The following ZNF608 variants were observed in gnomAD, a reference collection of about 807,000 sequenced individuals.
ZNF608 encodes the protein renal carcinoma antigen NY-REN-36.
Under a neutral mutation model 109.0 loss-of-function variants are expected in ZNF608, and 12 were observed. The ratio of observed to expected loss-of-function variants is 0.11; its 90% CI spans 0.07 to 0.18. ZNF608 has a LOEUF of 0.18. ZNF608 is among the 10% of genes least tolerant of loss of function. ZNF608 has a pLI of 1.00. For missense variants in ZNF608, 1,707 were observed against 1,879.3 expected, an observed-to-expected ratio of 0.91 and a Z score of 1.70; for synonymous variants, 732 against 717.4, an observed-to-expected ratio of 1.02 and a Z score of -0.33.
chr5:124,688,393 T>G (rs1384177979), intron 3 of ZNF608, among the ~76,000 whole-genome samples: 1 of 152,200 alleles, frequency 6.6e-6, no homozygotes, highest in Non-Finnish European at 1.5e-5. Context: ...TCTCATTCCC[T>G]TTCTACCTAG....
At position 124,648,908 on chromosome 5, in the gene ZNF608, G is replaced by A; in HGVS notation, c.1476C>T (p.Ala492=). Residue 492 remains alanine (A), a synonymous_variant, in exon 5 of 10, where the codon GCC becomes GCT. Coordinates refer to ENST00000513986, the MANE Select transcript of ZNF608 (RefSeq NM_020747.3). ...PPNCAAEDIK[A]SPSSTNKRKN... ...TCCTTTTGTTGGTGGAGGAAGGGCT[G>A]GCTTTGATATCCTCAGCAGCACAAT... The A allele has an allele frequency of 1.9e-6, 3 of 1,614,096 alleles. No individual in the cohort carries two copies. Among genetic ancestry groups the A allele is most frequent in the Non-Finnish European group, 2.5e-6 (3 of 1,179,970 alleles).
At chr5:124,665,728 A>C (rs1478162309) in intron 3 of ZNF608, among the ~76,000 whole-genome samples, 1 of 152,204 alleles carries the variant, frequency 6.6e-6, no homozygotes, top group Non-Finnish European at 1.5e-5. Flanking sequence ...GATGAGGTAC[A>C]TTTGTCTCTC....
intron 7 of ZNF608, among the ~76,000 whole-genome samples, chr5:124,641,804 C>A (rs984659254): frequency 2.0e-5 from 3 of 152,138 alleles, no homozygotes; most frequent in Non-Finnish European, 4.4e-5. Context: ...GTGGAGAGAA[C>A]ATATCTCACA....
In ZNF608 at chr5:124,646,696, T is replaced by C. The variant is rs377662199; in HGVS notation, c.3688A>G (p.Thr1230Ala). Residue 1230 changes from threonine (T) to alanine (A), a missense_variant, in exon 5 of 10, where the codon ACC (threonine) becomes GCC (alanine). Thr to Ala is a moderately conservative substitution (Grantham distance 58). Around this residue, in one of 7 missense-constraint regions of ZNF608, gnomAD observed 1,073 missense variants for 1,133.5 expected, o/e 0.95. Coordinates refer to ENST00000513986, the MANE Select transcript of ZNF608 (RefSeq NM_020747.3). The part of the protein sequence containing the change: ...DSMKQTGVDP[T>A]SRFKQDPDSR... ...AATCTTACTTGTTTAAATCTCGAGG[T>C]TGGGTCTACACCTGTCTGCTTCATA... 1 of 1,610,194 alleles carries C rather than the reference T, an allele frequency of 6.2e-7. No homozygotes were observed. Among genetic ancestry groups the C allele is most frequent in the Non-Finnish European group, 8.5e-7 (1 of 1,177,014 alleles).
At chr5:124,695,076 G>T (rs1367170516) in intron 3 of ZNF608, among the ~76,000 whole-genome samples, 1 of 152,008 alleles carries the variant, frequency 6.6e-6, no homozygotes, top group Non-Finnish European at 1.5e-5. Context: ...ACACATTGGG[G>T]GCTGATTTAT....
intron 7 of ZNF608, among the ~76,000 whole-genome samples, chr5:124,642,885 C>T (rs6873132): frequency 0.12 from 18,571 of 151,460 alleles, 1,505 homozygotes; most frequent in African/African-American, 0.23. Flanking sequence ...TTAGTAGAGA[C>T]GGAGTTTCAC....
chr5:124,666,730 TG>T (rs1751497977), intron 3 of ZNF608, among the ~76,000 whole-genome samples: 2 of 150,344 alleles, frequency 1.3e-5, no homozygotes, highest in African/African-American at 4.9e-5. Context: ...TGTGTGTGTG[TG>T]TGTGTGTGTG....
intron 3 of ZNF608, among the ~76,000 whole-genome samples, chr5:124,656,506 G>A (rs1751013355): frequency 6.6e-6 from 1 of 152,054 alleles, no homozygotes; most frequent in Admixed American, 6.6e-5. Flanking sequence ...GTTTATGGGA[G>A]GGTAGTTACG....
At position 124,646,786 on chromosome 5, in the gene ZNF608, C is replaced by A; in HGVS notation, c.3598G>T (p.Ala1200Ser). 6.2e-7 allele frequency: 1 copy of A among 1,614,244 alleles called. No individual in the cohort carries two copies. The highest frequency in any genetic ancestry group is 8.5e-7 in the Non-Finnish European group (1 of 1,180,044). Residue 1200 changes from alanine (A) to serine (S), a missense_variant, in exon 5 of 10, where the codon GCT becomes TCT. Ala to Ser is a moderately conservative substitution (Grantham distance 99). This residue lies in a region of ZNF608 where 1,073 missense variants were observed against 1,133.5 expected (regional missense o/e 0.95). Coordinates refer to ENST00000513986, the MANE Select transcript of ZNF608 (RefSeq NM_020747.3). ...AGCTGGTGGTTTTCCATCTGCTTAGCTTTGAAGCTGTCGGCCTGAAGCTGC... is the reference window on the plus strand; with the variant it reads ...AGCTGGTGGTTTTCCATCTGCTTAGATTTGAAGCTGTCGGCCTGAAGCTGC... ...QQQLQADSFK[A>S]KQMENHQLIK...
chr5:124,685,265 C>T (rs1260111829), intron 3 of ZNF608, among the ~76,000 whole-genome samples: 1 of 151,080 alleles, frequency 6.6e-6, no homozygotes. Context: ...CTTATTATGC[C>T]TACCAACTGG....
chr5:124,641,880 A>G (rs1176366296), intron 7 of ZNF608, among the ~76,000 whole-genome samples: 1 of 152,206 alleles, frequency 6.6e-6, no homozygotes, highest in African/African-American at 2.4e-5. Context: ...ATATGCCAAT[A>G]TAAAGCACAA....
chr5:124,647,398 A>T lies in ZNF608; in HGVS notation c.2986T>A (p.Tyr996Asn). The T allele has an allele frequency of 1.2e-6, 2 of 1,614,210 alleles. No individual in the cohort carries two copies. Among genetic ancestry groups the T allele is most frequent in the Admixed American group, 1.7e-5 (1 of 60,024 alleles). Residue 996 changes from tyrosine (Y) to asparagine (N), a missense_variant, in exon 5 of 10, where the codon TAT (tyrosine) becomes AAT (asparagine). Physicochemically the swap from Tyr to Asn is moderately radical, Grantham distance 143 (BLOSUM62 -2). Coordinates refer to ENST00000513986, the MANE Select transcript of ZNF608 (RefSeq NM_020747.3). The stretch of plus-strand genomic sequence containing the variant: ...TAATAAGGATCATAGCTGTGGTAAT[A>T]GGGAGAATGGGACTCTTTCAGTTGA... ...SSQLKESHSP[Y>N]YHSYDPYYSP...
intron 2 of ZNF608, among the ~76,000 whole-genome samples, chr5:124,738,106 C>T (rs967299285): frequency 6.6e-6 from 1 of 152,182 alleles, no homozygotes; most frequent in Non-Finnish European, 1.5e-5. Context: ...TATACACACA[C>T]CTATGACATA....
At chr5:124,730,046 A>G (rs1430335298) in intron 2 of ZNF608, among the ~76,000 whole-genome samples, 1 of 152,240 alleles carries the variant, frequency 6.6e-6, no homozygotes, top group African/African-American at 2.4e-5. Flanking sequence ...CAACAAATCC[A>G]AAGTAAAATT....
chr5:124,647,126 C>T lies in ZNF608; in HGVS notation c.3258G>A (p.Gly1086=). The T allele has an allele frequency of 6.2e-7, 1 of 1,614,150 alleles. No homozygotes were observed. Among genetic ancestry groups the T allele is most frequent in the Non-Finnish European group, 8.5e-7 (1 of 1,180,032 alleles). The part of the protein sequence containing the change: ...QSLYYGQYAY[G]LYMDQKSLMA... ...TCAGAGACTTCTGGTCCATATAGAGCCCATATGCATACTGGCCATAATAAA... is the reference window on the plus strand; with the variant it reads ...TCAGAGACTTCTGGTCCATATAGAGTCCATATGCATACTGGCCATAATAAA... Residue 1086 remains glycine (G), a synonymous_variant, in exon 5 of 10, where the codon GGG becomes GGA. Transcript: ENST00000513986.
At chr5:124,722,592 C>G (rs542067352) in intron 2 of ZNF608, among the ~76,000 whole-genome samples, 2,527 of 148,992 alleles carry the variant, frequency 0.017, 83 homozygotes, top group African/African-American at 0.061. Flanking sequence ...CACACACACA[C>G]ACACACACAC....
intron 3 of ZNF608, among the ~76,000 whole-genome samples, chr5:124,652,985 G>T (rs971401330): frequency 6.6e-6 from 1 of 152,188 alleles, no homozygotes; most frequent in African/African-American, 2.4e-5. Context: ...TGTTGGGGAC[G>T]TTCTATACAG....
chr5:124,694,164 T>G (rs1228697828), intron 3 of ZNF608, among the ~76,000 whole-genome samples: 29 of 131,994 alleles, frequency 2.2e-4, no homozygotes, highest in Non-Finnish European at 1.6e-4. Flanking sequence ...TTTTTTTTTT[T>G]TTTGTATTTT....
chr5:124,735,337 G>C (rs902799793), intron 2 of ZNF608, among the ~76,000 whole-genome samples: 2 of 150,934 alleles, frequency 1.3e-5, no homozygotes, highest in African/African-American at 4.9e-5. Context: ...GGCCATAAAC[G>C]GGTCCCTGGC....
Sources: gnomAD v4.1 joint callset for allele counts (sites outside exome capture counted in the v4.1 genomes callset) on GRCh38, gnomAD v4.1.1 for gene constraint, gnomAD v4.1.1 regional missense constraint, MANE v1.5 for transcripts, NCBI Gene and HGNC (gene_info 2026-07-23, HGNC 2026-07-21) for gene names.